Variants in PKD1L1 observed in about 807,000 individuals in gnomAD.
The protein encoded by PKD1L1 is polycystin-1-like protein 1.
A neutral mutation model predicts 323.4 loss-of-function variants in PKD1L1; 236 were observed. The observed-to-expected ratio is 0.73, with a 90% CI of 0.66 to 0.81. The LOEUF (loss-of-function observed/expected upper bound fraction) is 0.81. Ranked by LOEUF, PKD1L1 falls within the 40% of genes least tolerant of loss-of-function variation. PKD1L1 has a pLI of 0.00. For synonymous variants in PKD1L1, 1,344 were observed against 1,335.0 expected (o/e 1.01, Z -0.15); for missense variants, 3,320 against 3,508.0 (o/e 0.95, Z 1.35).
At chr7:47,897,356 A>G (rs906096384) in intron 14 of PKD1L1, among the ~76,000 whole-genome samples, 7 of 152,144 alleles carry the variant, frequency 4.6e-5, no homozygotes, top group Admixed American at 6.5e-5. Context: ...CCACTGTGCA[A>G]TTTGTTCCCA....
At chr7:47,899,003 C>A (rs938942108) in intron 13 of PKD1L1, among the ~76,000 whole-genome samples, 4 of 152,130 alleles carry the variant, frequency 2.6e-5, no homozygotes, top group Non-Finnish European at 5.9e-5. Context: ...ATGCTTAATT[C>A]TTTCCCTTAA....
At chr7:47,800,917 C>T (rs1239666287) in intron 53 of PKD1L1, 38 bp from the exon 54 acceptor site, 9 of 1,554,514 alleles carry the variant, frequency 5.8e-6, no homozygotes, top group South Asian at 5.6e-5. Context: ...GACCTTGTCA[C>T]CTCTTCTTAG....
At chr7:47,813,032 C>T (rs1444513805) in intron 49 of PKD1L1, 89 bp downstream of exon 49, 10 of 1,497,474 alleles carry the variant, frequency 6.7e-6, no homozygotes, top group Non-Finnish European at 8.1e-6. Flanking sequence ...GAGGCTGCAC[C>T]TGCTGCAGAT....
At chr7:47,921,033 T>G (rs1453400859) in intron 7 of PKD1L1, among the ~76,000 whole-genome samples, 4 of 151,562 alleles carry the variant, frequency 2.6e-5, no homozygotes, top group Admixed American at 1.3e-4. Context: ...ACAACAAAGA[T>G]AAATAGTTGG....
At chr7:47,799,406 T>C (rs1438963081) in intron 54 of PKD1L1, among the ~76,000 whole-genome samples, 1 of 152,238 alleles carries the variant, frequency 6.6e-6, no homozygotes, top group Non-Finnish European at 1.5e-5. Flanking sequence ...AGTAGACTTT[T>C]AAGGACTGCA....
chr7:47,811,874 C>T lies in PKD1L1; in HGVS notation c.7524G>A (p.Glu2508=). The T allele has an allele frequency of 6.2e-7, 1 of 1,611,328 alleles. No homozygotes were observed. Among genetic ancestry groups the T allele is most frequent in the Non-Finnish European group, 8.5e-7 (1 of 1,178,996 alleles). The change falls in exon 50 of 57, where the codon GAG becomes GAA. Residue 2508 remains glutamate (E), a synonymous_variant. Coordinates refer to ENST00000289672, the MANE Select transcript of PKD1L1 (RefSeq NM_138295.5). Reference sequence around the variant, plus strand: ...AGTCGCTGCGGAAGATGCTGAATGACTCCACCAGGGATGAGGGGACGAGAC... The same window carrying T: ...AGTCGCTGCGGAAGATGCTGAATGATTCCACCAGGGATGAGGGGACGAGAC... ...TGSLVPSSLV[E]SFSIFRSDSA...
chr7:47,811,683 A>T (rs1242569710), intron 50 of PKD1L1, 134 bp downstream of exon 50: 2 of 687,764 alleles, frequency 2.9e-6, no homozygotes, highest in Middle Eastern at 4.0e-4. Context: ...CAAGAAGGGG[A>T]TGTGACAAAG....
chr7:47,865,228 G>A lies in PKD1L1; in HGVS notation c.4137C>T (p.Ser1379=), dbSNP rs1280738923. Reference sequence around the variant, plus strand: ...AAATTGCACTTACCTTATTAGAGAAGCTCACGAGGTCCCTCAACATAAGAA... The same window carrying A: ...AAATTGCACTTACCTTATTAGAGAAACTCACGAGGTCCCTCAACATAAGAA... ...GSVLMLRDLV[S]FSNKLGFMSA... is the part of the protein sequence containing the mutation. Residue 1379 remains serine (S), a synonymous_variant, in exon 26 of 57, where the codon AGC becomes AGT. Transcript: ENST00000289672. The A allele has an allele frequency of 7.4e-6, 12 of 1,612,948 alleles. No individual in the cohort carries two copies. The highest frequency in any genetic ancestry group is 9.3e-6 in the Non-Finnish European group (11 of 1,179,522).
At chr7:47,897,848 T>A in intron 14 of PKD1L1, 140 bp downstream of exon 14, 1 of 633,918 alleles carries the variant, frequency 1.6e-6, no homozygotes, top group Non-Finnish European at 2.6e-6. Context: ...TAAAATCCAA[T>A]GCAGATTTTT....
intron 7 of PKD1L1, among the ~76,000 whole-genome samples, chr7:47,921,150 C>A (rs1787527099): frequency 7.1e-6 from 1 of 141,094 alleles, no homozygotes; most frequent in African/African-American, 2.7e-5. Flanking sequence ...ATACATCTGA[C>A]AAAGGACTAA....
rs1025441644 is a variant in PKD1L1 at position 47,865,649 on chromosome 7, G to A, written c.4093-377C>T. 6.9e-5 allele frequency among the ~76,000 whole-genome samples: 10 copies of A among 145,950 alleles called. No individual in the cohort carries two copies. The South Asian group carries it at 1.1e-3, about 16-fold the overall frequency. ...CGCCCAGGCTGGAGTGCAGTGGCGC[G>A]ATCTCAGCTCACTGCAAGCTCTGCC... On this transcript the variant is annotated intron_variant, in intron 25 of 56. Transcript: ENST00000289672.
At chr7:47,847,114 G>C (rs780613001) in intron 31 of PKD1L1, 43 bp from the exon 32 acceptor site, 4 of 1,457,220 alleles carry the variant, frequency 2.7e-6, no homozygotes, top group African/African-American at 2.9e-5. Context: ...CCTGAGGTTT[G>C]CAGAAAGGCA....
rs150677530 is a variant in PKD1L1 at position 47,789,334 on chromosome 7, T to A, written c.8526+3293A>T. On this transcript the variant is annotated intron_variant, in intron 56 of 56. Coordinates refer to ENST00000289672, the MANE Select transcript of PKD1L1 (RefSeq NM_138295.5). ...ATAACTGTTCTCTCCTTCCAAAATTTTATAATTTATTTAATTTCCTAAAGG... is the reference window on the plus strand; with the variant it reads ...ATAACTGTTCTCTCCTTCCAAAATTATATAATTTATTTAATTTCCTAAAGG... Among the ~76,000 whole-genome samples the A allele has an allele frequency of 4.7e-4, 72 of 152,350 alleles. 1 individual carries two copies. In the East Asian group the frequency reaches 0.013, roughly 29 times the overall value.
intron 56 of PKD1L1, among the ~76,000 whole-genome samples, chr7:47,781,161 A>G (rs1462985283): frequency 1.3e-5 from 2 of 152,194 alleles, no homozygotes; most frequent in Non-Finnish European, 2.9e-5. Context: ...TGATAGTCAC[A>G]TCTTTTCATG....
In PKD1L1 at chr7:47,936,872, A is replaced by C. The variant is rs1333650610; in HGVS notation, c.372T>G (p.Pro124=). Residue 124 remains proline, a synonymous_variant, in exon 4 of 57, where the codon CCT becomes CCG. Coordinates refer to ENST00000289672, the MANE Select transcript of PKD1L1 (RefSeq NM_138295.5). The part of the protein sequence containing the change: ...QAVVNEKTQA[P]LDCDNSADRI... The stretch of plus-strand genomic sequence containing the variant: ...TATCAGCACTGTTATCACAATCCAG[A>C]GGCGCCTGTGTTTTTTCATTAACAA... 3 of 1,613,560 alleles carry C rather than the reference A, an allele frequency of 1.9e-6. No individual in the cohort carries two copies. The African/African-American group carries it at 4.0e-5, about 22-fold the overall frequency.
chr7:47,878,629 G>T (rs975627642), intron 21 of PKD1L1, among the ~76,000 whole-genome samples: 8 of 152,158 alleles, frequency 5.3e-5, no homozygotes, highest in Non-Finnish European at 7.3e-5. Flanking sequence ...GCTGACCAGG[G>T]GAATCTCCAC....
intron 56 of PKD1L1, among the ~76,000 whole-genome samples, chr7:47,781,145 G>A (rs530452566): frequency 3.3e-5 from 5 of 152,206 alleles, no homozygotes; most frequent in South Asian, 2.1e-4. Flanking sequence ...GTTCCCTAAC[G>A]GCTAGTGATA....
intron 24 of PKD1L1, among the ~76,000 whole-genome samples, chr7:47,868,592 C>G (rs1402256971): frequency 6.6e-6 from 1 of 151,342 alleles, no homozygotes; most frequent in East Asian, 2.0e-4. Flanking sequence ...AGACAGAAAA[C>G]TGGCCAGGCG....
At chr7:47,817,304 T>TA (rs968005871) in intron 46 of PKD1L1, among the ~76,000 whole-genome samples, 5 of 152,180 alleles carry the variant, frequency 3.3e-5, no homozygotes, top group Non-Finnish European at 7.3e-5. Flanking sequence ...GCAGATGCTA[T>TA]AAATCAGTGC....
Sources: gnomAD v4.1 joint callset for allele counts (sites outside exome capture counted in the v4.1 genomes callset) on GRCh38, gnomAD v4.1.1 for gene constraint, MANE v1.5 for transcripts, NCBI Gene and HGNC (gene_info 2026-07-23, HGNC 2026-07-21) for gene names.